NCAM2: variants seen among roughly 807,000 people sequenced by gnomAD.
NCAM2 encodes the protein neural cell adhesion molecule 2, also known as N-CAM-2.
A neutral mutation model predicts 98.1 loss-of-function variants in NCAM2; 30 were observed. The observed-to-expected ratio is 0.31, with a 90% CI of 0.23 to 0.41. The LOEUF (loss-of-function observed/expected upper bound fraction) is 0.41, where lower values mean the gene tolerates loss of function less well. NCAM2 is among the 10% of genes least tolerant of loss of function. NCAM2 has a pLI of 1.00. For synonymous variants in NCAM2, 368 were observed against 342.4 expected, an observed-to-expected ratio of 1.07 and a Z score of -0.83; for missense variants, 867 against 1,005.8, an observed-to-expected ratio of 0.86 and a Z score of 1.87.
In NCAM2 at chr21:21,265,084, ATATAT is replaced by A. The variant is rs575379398; in HGVS notation, c.56-15488_56-15484del. Among the ~76,000 whole-genome samples, 769 of 104,948 alleles carry A rather than the reference ATATAT, an allele frequency of 7.3e-3. 31 individuals carry two copies. The highest frequency in any genetic ancestry group is 0.026 in the African/African-American group (714 of 27,976). The allele number at this position is 104,948 out of a possible 152,430, so 68.8% of individuals were successfully genotyped here. ...TGTGTATGTGTATATATATACACAC[ATATAT>A]TATATATACATATATAATATATATA... On this transcript the variant is annotated intron_variant, in intron 1 of 17. Transcript: ENST00000400546.
At chr21:21,046,438 A>T (rs1032946352) in intron 1 of NCAM2, among the ~76,000 whole-genome samples, 3 of 152,162 alleles carry the variant, frequency 2.0e-5, no homozygotes, top group Admixed American at 6.5e-5. Context: ...CTATTGGATT[A>T]TCTGTTCAAA....
intron 15 of NCAM2, among the ~76,000 whole-genome samples, chr21:21,508,022 A>G (rs932411267): frequency 6.6e-6 from 1 of 152,004 alleles, no homozygotes; most frequent in Non-Finnish European, 1.5e-5. Flanking sequence ...CTTCATTACT[A>G]CTTGCTCCAC....
intron 5 of NCAM2, among the ~76,000 whole-genome samples, chr21:21,322,709 T>G (rs34432121): frequency 2.6e-5 from 4 of 152,020 alleles, no homozygotes; most frequent in East Asian, 3.9e-4. Context: ...TGAATAGGCA[T>G]TTCATGGTTG....
intron 4 of NCAM2, among the ~76,000 whole-genome samples, chr21:21,291,141 CG>C (rs969681597): frequency 1.3e-5 from 2 of 151,764 alleles, no homozygotes; most frequent in African/African-American, 4.8e-5. Context: ...GGGATAGAGG[CG>C]GGGTGTCTCT....
At chr21:21,427,486 A>G (rs931184895) in intron 11 of NCAM2, among the ~76,000 whole-genome samples, 1 of 152,244 alleles carries the variant, frequency 6.6e-6, no homozygotes, top group African/African-American at 2.4e-5. Context: ...AAGATAGCCA[A>G]GATATAAAGA....
In NCAM2 at chr21:21,111,484, G is replaced by C. The variant is rs372776425; in HGVS notation, c.55+112866G>C. The stretch of plus-strand genomic sequence containing the variant: ...AGGTTAATCCCACAAGAAGATCGAA[G>C]ACTGAGATGGAGGGAGAACCAAGAG... On this transcript the variant is annotated intron_variant, in intron 1 of 17. Coordinates refer to ENST00000400546, the MANE Select transcript of NCAM2 (RefSeq NM_004540.5). Among the ~76,000 whole-genome samples the C allele has an allele frequency of 2.6e-5, 4 of 152,144 alleles. No individual in the cohort carries two copies. In the East Asian group the frequency reaches 7.7e-4, roughly 29 times the overall value.
intron 1 of NCAM2, among the ~76,000 whole-genome samples, chr21:21,062,430 T>G (rs2065342430): frequency 6.6e-6 from 1 of 152,140 alleles, no homozygotes; most frequent in Non-Finnish European, 1.5e-5. Context: ...AAATCATAAC[T>G]TATACGTATT....
intron 15 of NCAM2, among the ~76,000 whole-genome samples, chr21:21,507,623 T>C (rs986814028): frequency 1.7e-4 from 26 of 151,598 alleles, no homozygotes; most frequent in South Asian, 1.5e-3. Context: ...GAAACCCCGT[T>C]TCTACTAAAA....
At chr21:21,441,334 G>A (rs1979235813) in intron 12 of NCAM2, among the ~76,000 whole-genome samples, 1 of 152,028 alleles carries the variant, frequency 6.6e-6, no homozygotes, top group Non-Finnish European at 1.5e-5. Flanking sequence ...CTGGCACAAA[G>A]TGATTACTCA....
At chr21:21,023,443 G>A (rs2064477633) in intron 1 of NCAM2, among the ~76,000 whole-genome samples, 1 of 151,718 alleles carries the variant, frequency 6.6e-6, no homozygotes. Flanking sequence ...AGAATCACTT[G>A]AATCTGGGAG....
chr21:21,510,957 A>C (rs233783), intron 16 of NCAM2, among the ~76,000 whole-genome samples: 22,324 of 151,876 alleles, frequency 0.15, 1,943 homozygotes, highest in African/African-American at 0.23. Flanking sequence ...TCCTGACTTC[A>C]TAGCACCATA....
chr21:21,470,660 G>C (rs896962852), intron 14 of NCAM2, among the ~76,000 whole-genome samples: 7 of 152,110 alleles, frequency 4.6e-5, no homozygotes, highest in African/African-American at 1.7e-4. Context: ...GCCAATAAAA[G>C]TATGTCCTTT....
rs367552719 is a variant in NCAM2 at position 21,039,782 on chromosome 21, T to C, written c.55+41164T>C. Among the ~76,000 whole-genome samples, 32 of 152,282 alleles carry C rather than the reference T, an allele frequency of 2.1e-4. No homozygotes were observed. The East Asian group carries it at 3.3e-3, about 16-fold the overall frequency. On this transcript the variant is annotated intron_variant, in intron 1 of 17. Transcript: ENST00000400546. The stretch of plus-strand genomic sequence containing the variant: ...ACTGAAGTTGCCGGAGGGTCACTTA[T>C]GTGATTCTCTCTCAAGTACAGCACT...
intron 1 of NCAM2, among the ~76,000 whole-genome samples, chr21:21,218,248 G>A (rs2069989004): frequency 6.6e-6 from 1 of 152,154 alleles, no homozygotes; most frequent in Non-Finnish European, 1.5e-5. Context: ...ACAGTCCAGT[G>A]CGCAGTAAAG....
intron 1 of NCAM2, among the ~76,000 whole-genome samples, chr21:21,022,140 G>A (rs371773247): frequency 4.0e-5 from 6 of 151,880 alleles, no homozygotes; most frequent in Admixed American, 6.6e-5. Context: ...AAAGATAAGC[G>A]TGCCCTTTTA....
intron 5 of NCAM2, 34 bp from the exon 6 acceptor site, chr21:21,324,349 G>C: frequency 6.7e-7 from 1 of 1,500,274 alleles, no homozygotes; most frequent in Non-Finnish European, 9.2e-7. Context: ...AGGTGTTTTC[G>C]TCTCTATTTA....
intron 11 of NCAM2, among the ~76,000 whole-genome samples, chr21:21,426,626 A>C (rs2145996767): frequency 6.6e-6 from 1 of 152,292 alleles, no homozygotes; most frequent in South Asian, 2.1e-4. Flanking sequence ...CTCAGCTAAT[A>C]ATCACAGCCA....
At chr21:21,064,170 G>A (rs62207563) in intron 1 of NCAM2, among the ~76,000 whole-genome samples, 26,934 of 152,140 alleles carry the variant, frequency 0.18, 2,607 homozygotes, top group Non-Finnish European at 0.19. Context: ...TGGAGGCTTT[G>A]AGGCTGGAGA....
chr21:21,082,114 A>G (rs113464317), intron 1 of NCAM2, among the ~76,000 whole-genome samples: 2 of 149,296 alleles, frequency 1.3e-5, no homozygotes, highest in Non-Finnish European at 1.5e-5. Context: ...TGTAGTCCCA[A>G]CTACTCGGGA....
Sources: allele counts gnomAD v4.1 joint callset (sites outside exome capture counted in the v4.1 genomes callset), GRCh38; gene constraint gnomAD v4.1.1; transcripts MANE v1.5; gene names NCBI Gene and HGNC (gene_info 2026-07-23, HGNC 2026-07-21).